ELMO1: variants seen among roughly 807,000 people sequenced by gnomAD.
ELMO1 encodes the protein engulfment and cell motility 1.
In ELMO1, 26 loss-of-function variants were observed where a neutral mutation model predicts 98.9. That is an observed-to-expected ratio of 0.26 (90% CI 0.19 to 0.36). The LOEUF (loss-of-function observed/expected upper bound fraction) is 0.36. ELMO1 is among the 10% of genes least tolerant of loss of function. ELMO1 has a pLI of 1.00. For synonymous variants in ELMO1, 346 were observed against 346.0 expected (o/e 1.00, Z 0.00); for missense variants, 627 against 935.2 (o/e 0.67, Z 4.30).
At chr7:37,446,694 T>A (rs1436772519) in intron 1 of ELMO1, among the ~76,000 whole-genome samples, 1 of 152,164 alleles carries the variant, frequency 6.6e-6, no homozygotes, top group African/African-American at 2.4e-5. Context: ...CAGACTCCCA[T>A]CCGGGTCTGC....
intron 16 of ELMO1, among the ~76,000 whole-genome samples, chr7:36,956,879 T>C (rs528165048): frequency 1.1e-4 from 16 of 152,304 alleles, no homozygotes; most frequent in Non-Finnish European, 1.9e-4. Context: ...AAAGCACGTG[T>C]TGATTGCCCT....
chr7:37,189,884 A>C (rs1043752157), intron 13 of ELMO1, among the ~76,000 whole-genome samples: 5 of 152,210 alleles, frequency 3.3e-5, no homozygotes, highest in African/African-American at 1.2e-4. Flanking sequence ...TTTATCTAAA[A>C]AATGACATTA....
chr7:37,217,144 AG>A (rs1793331409), intron 10 of ELMO1, among the ~76,000 whole-genome samples: 1 of 152,202 alleles, frequency 6.6e-6, no homozygotes, highest in Non-Finnish European at 1.5e-5. Flanking sequence ...CCAAAGAGTG[AG>A]TAATACATAT....
intron 16 of ELMO1, among the ~76,000 whole-genome samples, chr7:36,932,147 C>T (rs1285297311): frequency 1.3e-5 from 2 of 152,188 alleles, no homozygotes; most frequent in Non-Finnish European, 2.9e-5. Context: ...CAAGGCACTA[C>T]TAGACACCGT....
intron 13 of ELMO1, among the ~76,000 whole-genome samples, chr7:37,145,737 A>T (rs1787940171): frequency 6.6e-6 from 1 of 152,252 alleles, no homozygotes. Flanking sequence ...TCAGGAGTTA[A>T]TATTTGTGTT....
chr7:37,406,302 C>G (rs962514215), intron 1 of ELMO1, among the ~76,000 whole-genome samples: 2 of 151,522 alleles, frequency 1.3e-5, no homozygotes, highest in Non-Finnish European at 2.9e-5. Flanking sequence ...ATATTCCACC[C>G]TCATGGCAAA....
At chr7:37,014,899 C>T (rs960147938) in intron 15 of ELMO1, among the ~76,000 whole-genome samples, 1 of 151,896 alleles carries the variant, frequency 6.6e-6, no homozygotes, top group Admixed American at 6.6e-5. Flanking sequence ...GGATGAGCAG[C>T]GAATCTACTT....
At chr7:37,266,289 T>C (rs1235156344) in intron 5 of ELMO1, among the ~76,000 whole-genome samples, 2 of 152,178 alleles carry the variant, frequency 1.3e-5, no homozygotes, top group African/African-American at 4.8e-5. Flanking sequence ...AATGGGCTTA[T>C]TGTTAAGAAT....
intron 4 of ELMO1, among the ~76,000 whole-genome samples, chr7:37,305,450 G>GTGTA (rs879797430): frequency 1.3e-4 from 20 of 150,820 alleles, no homozygotes; most frequent in Non-Finnish European, 1.8e-4. Flanking sequence ...CAGATAGTGT[G>GTGTA]TGTGTGTGTG....
chr7:37,391,442 T>G (rs187227294), intron 1 of ELMO1, among the ~76,000 whole-genome samples: 1 of 152,328 alleles, frequency 6.6e-6, no homozygotes, highest in East Asian at 1.9e-4. Context: ...TAAAGGCATT[T>G]GTGTGCAAGG....
At chr7:36,987,824 C>A (rs1439952154) in intron 16 of ELMO1, among the ~76,000 whole-genome samples, 1 of 151,234 alleles carries the variant, frequency 6.6e-6, no homozygotes, top group Non-Finnish European at 1.5e-5. Context: ...ATGGTGTGAT[C>A]TCGGCTCACT....
chr7:37,011,045 T>C (rs1793513145), intron 16 of ELMO1, among the ~76,000 whole-genome samples: 1 of 152,188 alleles, frequency 6.6e-6, no homozygotes, highest in African/African-American at 2.4e-5. Flanking sequence ...TAAACTGTCA[T>C]CCCTACTTGG....
chr7:37,275,719 C>T (rs1484843866), intron 4 of ELMO1, among the ~76,000 whole-genome samples: 1 of 152,202 alleles, frequency 6.6e-6, no homozygotes, highest in Non-Finnish European at 1.5e-5. Flanking sequence ...CCTTCCTTCC[C>T]CCATGCTTTT....
At chr7:37,201,028 A>G (rs1792264650) in intron 13 of ELMO1, among the ~76,000 whole-genome samples, 1 of 152,184 alleles carries the variant, frequency 6.6e-6, no homozygotes, top group Non-Finnish European at 1.5e-5. Flanking sequence ...ATAAAAAGAA[A>G]AGAATGCTCA....
At chr7:37,336,177 G>C (rs1298673168) in intron 2 of ELMO1, among the ~76,000 whole-genome samples, 2 of 151,858 alleles carry the variant, frequency 1.3e-5, no homozygotes, top group African/African-American at 4.8e-5. Context: ...AGTGAGCTTT[G>C]ATTGAGCCTT....
At chr7:37,425,135 T>C (rs144892502) in intron 1 of ELMO1, among the ~76,000 whole-genome samples, 10 of 152,310 alleles carry the variant, frequency 6.6e-5, no homozygotes, top group African/African-American at 1.2e-4. Flanking sequence ...AGGTGGCTTA[T>C]TAACAACAGA....
chr7:37,125,781 G>A (rs1008394628), intron 14 of ELMO1, among the ~76,000 whole-genome samples: 20 of 152,150 alleles, frequency 1.3e-4, no homozygotes, highest in African/African-American at 4.8e-4. Context: ...ATTTGACCCA[G>A]CCATCCCATT....
At chr7:37,308,891 G>A (rs1798750358) in intron 4 of ELMO1, among the ~76,000 whole-genome samples, 2 of 152,118 alleles carry the variant, frequency 1.3e-5, no homozygotes, top group African/African-American at 4.8e-5. Flanking sequence ...TGGTCATCAG[G>A]CAAAAAGGAA....
intron 13 of ELMO1, among the ~76,000 whole-genome samples, chr7:37,177,153 C>T (rs1265107523): frequency 6.6e-6 from 1 of 152,182 alleles, no homozygotes; most frequent in Non-Finnish European, 1.5e-5. Flanking sequence ...GAACTCTAAA[C>T]ATAGCATGTT....
Sources: allele counts gnomAD v4.1 joint callset (sites outside exome capture counted in the v4.1 genomes callset), GRCh38; gene constraint gnomAD v4.1.1; transcripts MANE v1.5; gene names NCBI Gene and HGNC (gene_info 2026-07-23, HGNC 2026-07-21).